The following TSEN2 variants were observed in gnomAD, a reference collection of about 807,000 sequenced individuals.
The protein encoded by TSEN2 is tRNA-splicing endonuclease subunit Sen2.
TSEN2 carries 54 observed loss-of-function variants against 59.2 expected under a neutral mutation model. That is an observed-to-expected ratio of 0.91 (90% confidence interval 0.73 to 1.14). The LOEUF is 1.14. TSEN2 is among the 50% of genes most tolerant of loss of function. The pLI, the probability that TSEN2 is intolerant of heterozygous loss-of-function variation, is 0.00. For synonymous variants in TSEN2, 195 were observed against 198.2 expected, an observed-to-expected ratio of 0.98 and a Z score of 0.14; for missense variants, 636 against 576.2, an observed-to-expected ratio of 1.10 and a Z score of -1.06.
At chr3:12,510,095 G>A (rs1023285553) in intron 6 of TSEN2, among the ~76,000 whole-genome samples, 17 of 152,192 alleles carry the variant, frequency 1.1e-4, no homozygotes, top group African/African-American at 3.9e-4. Flanking sequence ...ACTTAATGTG[G>A]TAGCATGCAT....
intron 8 of TSEN2, among the ~76,000 whole-genome samples, chr3:12,524,988 C>G (rs1425060350): frequency 6.6e-6 from 1 of 152,136 alleles, no homozygotes. Flanking sequence ...AGGTGATCCA[C>G]CCATCTTGAC....
chr3:12,480,245 G>C (rs1575176434), upstream of TSEN2, among the ~76,000 whole-genome samples: 1 of 152,202 alleles, frequency 6.6e-6, no homozygotes, highest in Non-Finnish European at 1.5e-5. Context: ...CCAACCTCCT[G>C]CCCCGGCCAG....
chr3:12,495,441 G>A (rs1205107311), intron 3 of TSEN2, among the ~76,000 whole-genome samples: 2 of 152,140 alleles, frequency 1.3e-5, no homozygotes, highest in Non-Finnish European at 2.9e-5. Flanking sequence ...TGTTACCCAG[G>A]CTGGTCTTGA....
chr3:12,523,608 C>T (rs984070369), intron 8 of TSEN2, among the ~76,000 whole-genome samples: 6 of 140,232 alleles, frequency 4.3e-5, no homozygotes, highest in African/African-American at 1.3e-4. Context: ...ATCTCGATCT[C>T]GGCTCACTAC....
Position 12,523,923 on chromosome 3 carries a change from CG to C in TSEN2, c.1099+4727del, listed in dbSNP as rs557384461. On this transcript the variant is annotated intron_variant, in intron 8 of 11. Coordinates refer to ENST00000284995, the MANE Select transcript of TSEN2 (RefSeq NM_025265.4). ...TTTTTGTTAATATTCTTCACGTTTA[CG>C]TACATAATCCATATTAATCCGTAAG... 1.2e-4 allele frequency among the ~76,000 whole-genome samples: 19 copies of C among 152,224 alleles called. 1 individual carries two copies. In the South Asian group the frequency reaches 2.9e-3, roughly 23 times the overall value.
At chr3:12,486,100 G>A (rs189054023) in intron 1 of TSEN2, among the ~76,000 whole-genome samples, 2 of 152,204 alleles carry the variant, frequency 1.3e-5, no homozygotes, top group East Asian at 3.9e-4. Flanking sequence ...ATTTTGGTAG[G>A]GGGTGAGTCC....
At chr3:12,532,101 A>C (rs1478574149) in intron 11 of TSEN2, among the ~76,000 whole-genome samples, 1 of 152,094 alleles carries the variant, frequency 6.6e-6, no homozygotes, top group Non-Finnish European at 1.5e-5. Flanking sequence ...GTGTTTCTGC[A>C]TTCCCTCCCT....
At chr3:12,500,007 G>A (rs1283109172) in intron 4 of TSEN2, among the ~76,000 whole-genome samples, 1 of 152,202 alleles carries the variant, frequency 6.6e-6, no homozygotes, top group East Asian at 1.9e-4. Context: ...GTGTTCAAGG[G>A]TGCAGAAACA....
chr3:12,505,289 T>C, intron 6 of TSEN2, 58 bp downstream of exon 6: 1 of 1,001,222 alleles, frequency 1.0e-6, no homozygotes, highest in South Asian at 1.3e-5. Flanking sequence ...AACTACACTA[T>C]ATGTGAACCT....
chr3:12,505,518 G>A, intron 6 of TSEN2: 1 of 349,836 alleles, frequency 2.9e-6, no homozygotes, highest in Non-Finnish European at 5.5e-6. Flanking sequence ...GCCGGGTGCG[G>A]GGGCTCACAC....
At chr3:12,508,811 A>G (rs73142712) in intron 6 of TSEN2, among the ~76,000 whole-genome samples, 286 of 152,314 alleles carry the variant, frequency 1.9e-3, no homozygotes, top group African/African-American at 6.4e-3. Flanking sequence ...TGCATCCTTC[A>G]GTGGACACGC....
chr3:12,492,027 G>A, intron 2 of TSEN2, 109 bp from the exon 3 acceptor site: 1 of 910,562 alleles, frequency 1.1e-6, no homozygotes, highest in Non-Finnish European at 1.8e-6. Flanking sequence ...TCCACCAGAG[G>A]TCCTGGAACC....
At chr3:12,497,091 C>T (rs1049636112) in intron 4 of TSEN2, among the ~76,000 whole-genome samples, 1 of 152,230 alleles carries the variant, frequency 6.6e-6, no homozygotes, top group Non-Finnish European at 1.5e-5. Flanking sequence ...GTCCCCTCCT[C>T]TGTCTTGGCT....
chr3:12,537,265 A>G (rs776887349), downstream of TSEN2, among the ~76,000 whole-genome samples: 2 of 151,886 alleles, frequency 1.3e-5, no homozygotes, highest in Non-Finnish European at 2.9e-5. Context: ...TGGGTGTGGT[A>G]GCATGCATCT....
chr3:12,516,485 T>TGC (rs2056132240), intron 6 of TSEN2, 126 bp from the exon 7 acceptor site: 1 of 669,488 alleles, frequency 1.5e-6, no homozygotes, highest in African/African-American at 1.8e-5. Context: ...TGTGTGTGTG[T>TGC]GTGACCTTTT....
At chr3:12,486,581 T>C (rs2052636038) in intron 1 of TSEN2, among the ~76,000 whole-genome samples, 2 of 152,242 alleles carry the variant, frequency 1.3e-5, no homozygotes, top group Admixed American at 1.3e-4. Flanking sequence ...TCTGTAAAAG[T>C]CACCCTTCTG....
At chr3:12,498,785 G>T (rs552523139) in intron 4 of TSEN2, among the ~76,000 whole-genome samples, 1 of 152,020 alleles carries the variant, frequency 6.6e-6, no homozygotes, top group East Asian at 1.9e-4. Context: ...AGCTACATAC[G>T]TCCCCCAACC....
intron 10 of TSEN2, chr3:12,539,130 CT>C: frequency 2.3e-6 from 1 of 432,368 alleles, no homozygotes; most frequent in Non-Finnish European, 4.5e-6. Context: ...TTACCATGTG[CT>C]TTTTTCTTTT....
At chr3:12,531,767 A>G in intron 11 of TSEN2, 108 bp downstream of exon 11, 3 of 789,044 alleles carry the variant, frequency 3.8e-6, no homozygotes, top group Non-Finnish European at 6.5e-6. Flanking sequence ...TGCCTTGGTA[A>G]CAGAGCCTTC....
Sources: allele counts gnomAD v4.1 joint callset (sites outside exome capture counted in the v4.1 genomes callset), GRCh38; gene constraint gnomAD v4.1.1; transcripts MANE v1.5; gene names NCBI Gene and HGNC (gene_info 2026-07-23, HGNC 2026-07-21).